The following RALY variants were observed in gnomAD, a reference collection of about 807,000 sequenced individuals.
RALY encodes RNA-binding protein Raly.
RALY carries 15 observed loss-of-function variants against 30.7 expected under a neutral mutation model. That is an observed-to-expected ratio of 0.49 (90% confidence interval 0.33 to 0.75). RALY has a LOEUF of 0.75. RALY is among the 30% of genes least tolerant of loss of function. RALY has a pLI of 0.02. For missense variants in RALY, 339 were observed against 414.3 expected (o/e 0.82, Z 1.58); for synonymous variants, 177 against 170.8 (o/e 1.04, Z -0.28).
Position 33,998,853 on chromosome 20 carries a change from G to A in RALY, c.-93+4722G>A, listed in dbSNP as rs550477669. On this transcript the variant is annotated intron_variant, in intron 1 of 9. Coordinates refer to ENST00000246194, the MANE Select transcript of RALY (RefSeq NM_016732.3). ...CAGAAAAAAGATGGAATTGCTGGGC[G>A]TGGTGGCTCACGTTTGTAGTCCTAG... is the stretch of plus-strand genomic sequence containing the variant. Among the ~76,000 whole-genome samples, 10 of 152,156 alleles carry A rather than the reference G, an allele frequency of 6.6e-5. No homozygotes were observed. In the South Asian group the frequency reaches 1.9e-3, roughly 28 times the overall value.
At chr20:34,041,715 A>G (rs1391901447) in intron 2 of RALY, among the ~76,000 whole-genome samples, 1 of 152,224 alleles carries the variant, frequency 6.6e-6, no homozygotes, top group Non-Finnish European at 1.5e-5. Flanking sequence ...TTGCCATAAA[A>G]TCATGGAATT....
intron 1 of RALY, among the ~76,000 whole-genome samples, chr20:34,000,294 T>C (rs1448316670): frequency 6.6e-6 from 1 of 152,008 alleles, no homozygotes; most frequent in African/African-American, 2.4e-5. Flanking sequence ...TAAGGTCCTT[T>C]CTTTTTATAG....
At chr20:33,997,578 C>A (rs964977817) in intron 1 of RALY, among the ~76,000 whole-genome samples, 1 of 152,160 alleles carries the variant, frequency 6.6e-6, no homozygotes, top group African/African-American at 2.4e-5. Context: ...TTAAGTAGAT[C>A]ACCTTTATGA....
At chr20:34,054,680 G>A (rs2033184817) in intron 2 of RALY, among the ~76,000 whole-genome samples, 1 of 152,128 alleles carries the variant, frequency 6.6e-6, no homozygotes, top group East Asian at 1.9e-4. Context: ...ACAAAAATTA[G>A]CCAGGCGTGA....
intron 6 of RALY, 64 bp downstream of exon 6, chr20:34,076,104 A>G: frequency 6.5e-7 from 1 of 1,526,940 alleles, no homozygotes; most frequent in East Asian, 2.3e-5. Flanking sequence ...TAATAGAATC[A>G]CATTTTTTAC....
intron 1 of RALY, among the ~76,000 whole-genome samples, chr20:34,012,794 T>C (rs2031457651): frequency 6.6e-6 from 1 of 152,276 alleles, no homozygotes; most frequent in Admixed American, 6.5e-5. Flanking sequence ...ATCACTTTGC[T>C]GCCTTTTGTC....
rs759404002 is a variant in RALY at position 34,077,098 on chromosome 20, CAGT to C, written c.730_732del (p.Ser244del). ...GTGGTGGTGGCAGCGGTGGCGGTGG[CAGT>C]GGTGGTGGCGGTGGCGGTGGCAGCA... is the stretch of plus-strand genomic sequence containing the variant. On this transcript the variant is annotated inframe_deletion, in exon 8 of 10. Coordinates refer to ENST00000246194, the MANE Select transcript of RALY (RefSeq NM_016732.3). 2.5e-5 allele frequency: 40 copies of C among 1,604,768 alleles called. No individual in the cohort carries two copies. Among genetic ancestry groups the C allele is most frequent in the Middle Eastern group, 1.7e-4 (1 of 6,024 alleles).
intron 1 of RALY, among the ~76,000 whole-genome samples, chr20:34,000,949 T>C (rs1170396478): frequency 6.6e-6 from 1 of 152,246 alleles, no homozygotes; most frequent in African/African-American, 2.4e-5. Context: ...TTCTACCTTT[T>C]TACAGTTTTG....
intron 2 of RALY, among the ~76,000 whole-genome samples, chr20:34,044,958 G>C (rs2032828818): frequency 6.6e-6 from 1 of 152,074 alleles, no homozygotes; most frequent in Admixed American, 6.5e-5. Flanking sequence ...TGTCACCCAG[G>C]CTGGAGTGCA....
chr20:34,007,883 A>G (rs1160131730), intron 1 of RALY, among the ~76,000 whole-genome samples: 1 of 151,260 alleles, frequency 6.6e-6, no homozygotes, highest in African/African-American at 2.4e-5. Flanking sequence ...TTGAGTGCCT[A>G]CCATGTTATG....
chr20:33,996,112 A>C (rs899941920), intron 1 of RALY, among the ~76,000 whole-genome samples: 1 of 152,196 alleles, frequency 6.6e-6, no homozygotes, highest in Admixed American at 6.5e-5. Flanking sequence ...TTTCTAATCC[A>C]TTTCTGTGAG....
intron 1 of RALY, among the ~76,000 whole-genome samples, chr20:34,020,184 C>T (rs1255483851): frequency 2.0e-5 from 3 of 152,144 alleles, no homozygotes; most frequent in African/African-American, 4.8e-5. Flanking sequence ...TGAAGGTTCA[C>T]CGTAACACAT....
intron 1 of RALY, among the ~76,000 whole-genome samples, chr20:34,003,732 C>T (rs1481677339): frequency 6.7e-6 from 1 of 150,156 alleles, no homozygotes; most frequent in East Asian, 1.9e-4. Context: ...CTCCGCCTCC[C>T]GGGTTCACGC....
At chr20:34,028,963 C>T (rs549950256) in intron 1 of RALY, among the ~76,000 whole-genome samples, 3 of 151,936 alleles carry the variant, frequency 2.0e-5, no homozygotes, top group Non-Finnish European at 2.9e-5. Flanking sequence ...GGAGCCATGA[C>T]TTTTTTTGAG....
At chr20:34,056,984 A>G (rs1347955645) in intron 2 of RALY, among the ~76,000 whole-genome samples, 1 of 152,232 alleles carries the variant, frequency 6.6e-6, no homozygotes, top group Non-Finnish European at 1.5e-5. Context: ...GCTATTGTTT[A>G]TAATAGTGAG....
chr20:34,058,702 A>ATG (rs2033329110), intron 2 of RALY, among the ~76,000 whole-genome samples: 2 of 152,158 alleles, frequency 1.3e-5, no homozygotes, highest in South Asian at 4.1e-4. Context: ...GTTTAATGAG[A>ATG]TGTCCAAGGT....
intron 2 of RALY, among the ~76,000 whole-genome samples, chr20:34,046,866 C>G (rs2032900519): frequency 7.5e-6 from 1 of 133,116 alleles, no homozygotes; most frequent in African/African-American, 2.9e-5. Context: ...GTTGCCCAGG[C>G]TGGAGTGCAA....
intron 2 of RALY, among the ~76,000 whole-genome samples, chr20:34,059,732 A>G (rs1568686832): frequency 2.0e-5 from 3 of 152,234 alleles, no homozygotes. Flanking sequence ...TTGGGAGATG[A>G]GAACAGGATG....
chr20:33,994,185 G>A (rs561103000), intron 1 of RALY, 54 bp downstream of exon 1: 1 of 152,576 alleles, frequency 6.6e-6, no homozygotes, highest in Admixed American at 6.5e-5. Flanking sequence ...TGTGTGCTTT[G>A]TGCCTTTCCG....
Sources: allele counts gnomAD v4.1 joint callset (sites outside exome capture counted in the v4.1 genomes callset), GRCh38; gene constraint gnomAD v4.1.1; transcripts MANE v1.5; gene names NCBI Gene and HGNC (gene_info 2026-07-23, HGNC 2026-07-21).